The following ADAMTSL1 variants were observed in gnomAD, a reference collection of about 807,000 sequenced individuals.
ADAMTSL1 encodes the protein ADAMTS-like protein 1.
Under a neutral mutation model 201.8 loss-of-function variants are expected in ADAMTSL1, and 126 were observed. The observed-to-expected ratio is 0.62, with a 90% CI of 0.54 to 0.72. The LOEUF (loss-of-function observed/expected upper bound fraction) is 0.72, where lower values mean the gene tolerates loss of function less well. Among genes scored for constraint, ADAMTSL1 ranks in the 30% least tolerant of loss-of-function variants. The probability of loss-of-function intolerance (pLI) is 0.00; values close to 1 mark genes in which losing one functional copy is unlikely to be tolerated. For missense variants in ADAMTSL1, 2,679 were observed against 2,277.8 expected (o/e 1.18, Z -3.59); for synonymous variants, 1,121 against 903.4 (o/e 1.24, Z -4.32).
intron 1 of ADAMTSL1, among the ~76,000 whole-genome samples, chr9:18,011,870 G>T (rs1388754600): frequency 6.6e-6 from 1 of 151,996 alleles, no homozygotes; most frequent in African/African-American, 2.4e-5. Flanking sequence ...CTTGAAAGGG[G>T]AACCTAGAAT....
At chr9:18,559,289 T>C (rs1326253392) in intron 3 of ADAMTSL1, among the ~76,000 whole-genome samples, 2 of 152,202 alleles carry the variant, frequency 1.3e-5, no homozygotes, top group African/African-American at 4.8e-5. Context: ...CTTGTTTTTG[T>C]CAGGTTTGTC....
chr9:18,689,836 A>C (rs942494445), intron 13 of ADAMTSL1, among the ~76,000 whole-genome samples: 1 of 152,236 alleles, frequency 6.6e-6, no homozygotes, highest in Non-Finnish European at 1.5e-5. Context: ...AGGATTGGGT[A>C]GTCCTTGTGC....
At chr9:18,551,726 G>C (rs2132225219) in intron 3 of ADAMTSL1, among the ~76,000 whole-genome samples, 1 of 151,756 alleles carries the variant, frequency 6.6e-6, no homozygotes, top group East Asian at 1.9e-4. Context: ...GTCGTCGTGA[G>C]GATTTCATGA....
In ADAMTSL1 at chr9:18,360,017, T is replaced by C. The variant is rs1836447060; in HGVS notation, c.208-144812T>C. 2.0e-5 allele frequency among the ~76,000 whole-genome samples: 3 copies of C among 152,030 alleles called. 1 individual carries two copies. The highest frequency in any genetic ancestry group is 2.0e-4 in the Admixed American group (3 of 15,270). ...ATTGTGCAGATTAGAGATTAAAACATCTAGCAAAGTACTTGGCACTTGATT... is the reference window on the plus strand; with the variant it reads ...ATTGTGCAGATTAGAGATTAAAACACCTAGCAAAGTACTTGGCACTTGATT... On this transcript the variant is annotated intron_variant, in intron 2 of 29. Coordinates refer to the ADAMTSL1 transcript ENST00000680146.
At chr9:18,202,999 CA>C (rs1363275987) in intron 2 of ADAMTSL1, among the ~76,000 whole-genome samples, 1 of 152,064 alleles carries the variant, frequency 6.6e-6, no homozygotes, top group Non-Finnish European at 1.5e-5. Context: ...TCATGGGCCA[CA>C]AATCATCTGA....
intron 3 of ADAMTSL1, among the ~76,000 whole-genome samples, chr9:18,571,535 C>G (rs567030226): frequency 6.6e-6 from 1 of 152,302 alleles, no homozygotes; most frequent in Admixed American, 6.5e-5. Flanking sequence ...TGTATTTAAA[C>G]ATTGCTAAAC....
At chr9:18,104,505 C>T (rs1201570060) in intron 1 of ADAMTSL1, among the ~76,000 whole-genome samples, 1 of 152,106 alleles carries the variant, frequency 6.6e-6, no homozygotes, top group African/African-American at 2.4e-5. Flanking sequence ...CTGCAGGTGG[C>T]CACACTTGGG....
intron 1 of ADAMTSL1, among the ~76,000 whole-genome samples, chr9:18,482,431 T>C (rs886353187): frequency 2.0e-5 from 3 of 152,236 alleles, no homozygotes; most frequent in African/African-American, 4.8e-5. Context: ...GCTTCTGCCA[T>C]TCTCCAGCTA....
At chr9:17,974,571 T>C (rs1818362048) in intron 1 of ADAMTSL1, among the ~76,000 whole-genome samples, 1 of 151,998 alleles carries the variant, frequency 6.6e-6, no homozygotes. Context: ...TCTGCCTCTA[T>C]GAGTTTGACT....
intron 1 of ADAMTSL1, among the ~76,000 whole-genome samples, chr9:17,928,021 G>C (rs1349811797): frequency 1.3e-5 from 2 of 149,484 alleles, no homozygotes; most frequent in African/African-American, 4.9e-5. Flanking sequence ...TTGAGACAGG[G>C]TCTTGCTCTG....
At chr9:18,297,587 AG>A (rs925548991) in intron 2 of ADAMTSL1, among the ~76,000 whole-genome samples, 5 of 152,164 alleles carry the variant, frequency 3.3e-5, no homozygotes, top group African/African-American at 9.7e-5. Flanking sequence ...GCTCCGTAAA[AG>A]GTCATGTGCT....
chr9:18,298,877 G>A (rs1055657363), intron 2 of ADAMTSL1, among the ~76,000 whole-genome samples: 1 of 151,952 alleles, frequency 6.6e-6, no homozygotes. Context: ...CGGTCGTGGT[G>A]GCGGGCGCCT....
intron 9 of ADAMTSL1, among the ~76,000 whole-genome samples, chr9:18,674,125 G>A (rs1002128153): frequency 1.3e-5 from 2 of 151,802 alleles, no homozygotes; most frequent in Admixed American, 6.6e-5. Context: ...GAAGAACTGT[G>A]GGATTTTGAG....
chr9:18,701,980 A>C (rs997718929), intron 13 of ADAMTSL1, among the ~76,000 whole-genome samples: 2 of 152,246 alleles, frequency 1.3e-5, no homozygotes, highest in African/African-American at 4.8e-5. Flanking sequence ...TTGGACTTAC[A>C]GTTCCATGTG....
intron 1 of ADAMTSL1, among the ~76,000 whole-genome samples, chr9:17,968,685 G>A (rs1418279926): frequency 6.6e-6 from 1 of 152,108 alleles, no homozygotes. Flanking sequence ...AGAATTTAGT[G>A]TAATGTTGGG....
intron 7 of ADAMTSL1, among the ~76,000 whole-genome samples, chr9:18,653,001 A>T (rs574035884): frequency 1.3e-5 from 2 of 152,352 alleles, no homozygotes; most frequent in African/African-American, 2.4e-5. Context: ...AGTGAATAGT[A>T]AGTACTGGTT....
intron 1 of ADAMTSL1, among the ~76,000 whole-genome samples, chr9:18,046,659 TTAA>T (rs1186622067): frequency 1.3e-5 from 2 of 152,176 alleles, no homozygotes; most frequent in African/African-American, 2.4e-5. Flanking sequence ...ACTATTTATA[TTAA>T]TAATGATGGA....
intron 3 of ADAMTSL1, among the ~76,000 whole-genome samples, chr9:18,548,134 C>A (rs1460780040): frequency 2.0e-5 from 3 of 151,948 alleles, no homozygotes; most frequent in African/African-American, 7.2e-5. Context: ...CTAAAATTTG[C>A]TTGTAACCCC....
rs568603659 is a variant in ADAMTSL1 at position 18,671,435 on chromosome 9, A to C, written c.1086-4422A>C. Among the ~76,000 whole-genome samples the C allele has an allele frequency of 2.0e-5, 3 of 152,338 alleles. No homozygotes were observed. The South Asian group carries it at 6.2e-4, about 32-fold the overall frequency. On this transcript the variant is annotated intron_variant, in intron 9 of 28. Coordinates refer to ENST00000380548, the MANE Select transcript of ADAMTSL1 (RefSeq NM_001040272.6). ...GTATGAAAGTGCCCAAACTTGTGTCAGGAGGAGATCTACTTGGCAAACATT... is the reference window on the plus strand; with the variant it reads ...GTATGAAAGTGCCCAAACTTGTGTCCGGAGGAGATCTACTTGGCAAACATT...
Sources: allele counts gnomAD v4.1 joint callset (sites outside exome capture counted in the v4.1 genomes callset), GRCh38; gene constraint gnomAD v4.1.1; transcripts MANE v1.5; gene names NCBI Gene and HGNC (gene_info 2026-07-23, HGNC 2026-07-21).